The following OPA1 variants were observed in gnomAD, a reference collection of about 807,000 sequenced individuals.
OPA1 encodes OPA1 mitochondrial dynamin like GTPase.
In OPA1, 59 loss-of-function variants were observed where a neutral mutation model predicts 152.9. The ratio of observed to expected loss-of-function variants is 0.39; its 90% CI spans 0.31 to 0.48. OPA1 has a LOEUF of 0.48. OPA1 is among the 20% of genes least tolerant of loss of function. OPA1 has a pLI of 0.96. For missense variants in OPA1, 1,008 were observed against 1,216.8 expected (o/e 0.83, Z 2.55); for synonymous variants, 400 against 389.9 (o/e 1.03, Z -0.31).
chr3:193,660,987 T>C (rs1326100387), intron 25 of OPA1, among the ~76,000 whole-genome samples: 2 of 152,224 alleles, frequency 1.3e-5, no homozygotes, highest in Non-Finnish European at 2.9e-5. Flanking sequence ...GACTTAGTGA[T>C]ATTAGGCCTA....
rs184263995 is a variant in OPA1, at chr3:193,695,808, T to C, written c.*1208T>C. On this transcript the variant is annotated 3_prime_UTR_variant, in exon 31 of 31. Transcript: ENST00000361510. ...AAATCTTATTTTCTTGGAGTTGCTT[T>C]TTGGTAACAGCCCCATTGCTACTCC... The C allele has an allele frequency of 2.0e-5, 3 of 152,336 alleles. No individual in the cohort carries two copies. Among genetic ancestry groups the C allele is most frequent in the African/African-American group, 7.2e-5 (3 of 41,576 alleles). 9.4% of individuals were successfully genotyped at this position (152,336 alleles called of 1,614,324 possible). A position where few individuals can be genotyped will look rare whatever the true frequency, so the allele number is the denominator to read the frequency against.
intron 4 of OPA1, 110 bp downstream of exon 4, chr3:193,617,395 A>G (rs981049545): frequency 1.4e-5 from 10 of 695,142 alleles, no homozygotes; most frequent in Admixed American, 5.5e-5. Context: ...TTTAGTACCA[A>G]TGAAAAACAG....
intron 29 of OPA1, among the ~76,000 whole-genome samples, chr3:193,681,764 G>A (rs1720171407): frequency 6.6e-6 from 1 of 151,358 alleles, no homozygotes; most frequent in Non-Finnish European, 1.5e-5. Context: ...TGTTTGTATT[G>A]TAGCTATTTT....
In OPA1 at chr3:193,697,599, A is replaced by C. The variant is rs1722361696; in HGVS notation, c.*2999A>C. 6.6e-6 allele frequency: 1 copy of C among 152,164 alleles called. No homozygotes were observed. Among genetic ancestry groups the C allele is most frequent in the African/African-American group, 2.4e-5 (1 of 41,446 alleles). 9.4% of individuals were successfully genotyped at this position (152,164 alleles called of 1,614,324 possible). A position where few individuals can be genotyped will look rare whatever the true frequency, so the allele number is the denominator to read the frequency against. On this transcript the variant is annotated 3_prime_UTR_variant, in exon 31 of 31. Transcript: ENST00000361510. ...TAACGAGGGAAAGAGAAACCTGTAT[A>C]CCTAGGGTCATTATTTGACCCCATA...
At chr3:193,637,417 C>T (rs1733126129) in intron 10 of OPA1, 136 bp downstream of exon 10, 1 of 495,090 alleles carries the variant, frequency 2.0e-6, no homozygotes, top group Admixed American at 3.4e-5. Context: ...TTTATGTAAT[C>T]TTACATGTTC....
chr3:193,660,238 C>T (rs1020089787), intron 25 of OPA1, among the ~76,000 whole-genome samples: 2 of 152,190 alleles, frequency 1.3e-5, no homozygotes, highest in Non-Finnish European at 2.9e-5. Context: ...CTCACCTCCA[C>T]CCCTGTTCAT....
intron 16 of OPA1, among the ~76,000 whole-genome samples, chr3:193,645,009 G>A (rs6771486): frequency 0.5 from 75,366 of 149,922 alleles, 19,302 homozygotes; most frequent in African/African-American, 0.59. Context: ...TTTTTTTTTA[G>A]TCACATTTAG....
At chr3:193,682,060 T>C (rs956936144) in intron 29 of OPA1, among the ~76,000 whole-genome samples, 1 of 152,200 alleles carries the variant, frequency 6.6e-6, no homozygotes, top group South Asian at 2.1e-4. Context: ...ATTAGCCAAA[T>C]TGTGAATGCA....
intron 1 of OPA1, among the ~76,000 whole-genome samples, chr3:193,607,005 C>T (rs1213692966): frequency 6.6e-6 from 1 of 152,214 alleles, no homozygotes; most frequent in Non-Finnish European, 1.5e-5. Context: ...ATTTGCATTT[C>T]TCTGATGGCC....
intron 1 of OPA1, chr3:193,613,808 C>T (rs537391734): frequency 2.5e-5 from 11 of 443,078 alleles, no homozygotes; most frequent in South Asian, 2.0e-4. Flanking sequence ...GAACTCCTGA[C>T]CTCAGGTGAT....
chr3:193,633,067 A>G (rs992687286), intron 8 of OPA1, among the ~76,000 whole-genome samples: 1 of 150,738 alleles, frequency 6.6e-6, no homozygotes, highest in South Asian at 2.1e-4. Context: ...CTCAAACCTC[A>G]CTATACGCTA....
chr3:193,611,928 C>T (rs553941185), intron 1 of OPA1, among the ~76,000 whole-genome samples: 17 of 151,908 alleles, frequency 1.1e-4, no homozygotes, highest in Admixed American at 3.9e-4. Context: ...AGGTTTTCAG[C>T]GATTTTTCTA....
intron 27 of OPA1, among the ~76,000 whole-genome samples, chr3:193,665,385 A>C (rs1260433243): frequency 1.3e-5 from 2 of 151,812 alleles, no homozygotes; most frequent in Non-Finnish European, 2.9e-5. Context: ...GGGAAAGAGA[A>C]AGTGTGTGTG....
At chr3:193,666,450 A>T (rs1309263098) in intron 28 of OPA1, 61 bp downstream of exon 28, 1 of 1,322,104 alleles carries the variant, frequency 7.6e-7, no homozygotes, top group African/African-American at 1.4e-5. Context: ...GGTAATATCC[A>T]TATTTAATAG....
At position 193,593,654 on chromosome 3, in the gene OPA1, A is replaced by T. The variant is rs149987554; in HGVS notation, c.32+245A>T. Reference sequence around the variant, plus strand: ...ACCCGAAAATTCTGGACGCCTCTCAATCTTGGCCCGTCTCTATTGTCCTTT... The same window carrying T: ...ACCCGAAAATTCTGGACGCCTCTCATTCTTGGCCCGTCTCTATTGTCCTTT... On this transcript the variant is annotated intron_variant, in intron 1 of 30. Transcript: ENST00000361510. Among the ~76,000 whole-genome samples the T allele has an allele frequency of 1.2e-3, 179 of 152,092 alleles. 1 individual carries two copies. Among genetic ancestry groups the T allele is most frequent in the African/African-American group, 4.2e-3 (176 of 41,506 alleles).
At chr3:193,598,952 C>A (rs1233381118) in intron 1 of OPA1, among the ~76,000 whole-genome samples, 1 of 152,120 alleles carries the variant, frequency 6.6e-6, no homozygotes, top group South Asian at 2.1e-4. Flanking sequence ...TGGTTGATAT[C>A]CCTCTCTGTA....
At chr3:193,599,049 A>G (rs13092391) in intron 1 of OPA1, among the ~76,000 whole-genome samples, 27,979 of 152,122 alleles carry the variant, frequency 0.18, 3,135 homozygotes, top group Non-Finnish European at 0.25. Context: ...TCTGGCGAGT[A>G]TCTGCCTTTC....
intron 22 of OPA1, among the ~76,000 whole-genome samples, 155 bp from the exon 23 acceptor site, chr3:193,656,925 T>G (rs998273730): frequency 6.6e-6 from 1 of 152,212 alleles, no homozygotes; most frequent in Non-Finnish European, 1.5e-5. Context: ...ACATCATGGT[T>G]TATATTTGCC....
chr3:193,688,307 G>A (rs370922399), intron 29 of OPA1, among the ~76,000 whole-genome samples: 2 of 151,950 alleles, frequency 1.3e-5, no homozygotes, highest in African/African-American at 4.8e-5. Flanking sequence ...CTCCAAGTGT[G>A]CGTCAATTTA....
Sources: gnomAD v4.1 joint callset for allele counts (sites outside exome capture counted in the v4.1 genomes callset) on GRCh38, gnomAD v4.1.1 for gene constraint, MANE v1.5 for transcripts, NCBI Gene and HGNC (gene_info 2026-07-23, HGNC 2026-07-21) for gene names.